The following SPACDR variants were observed in gnomAD, a reference collection of about 807,000 sequenced individuals.
SPACDR encodes sperm acrosome developmental regulator.
At chr7:100,457,113 C>T in the SPACDR span, 1 of 602,858 alleles carries the variant, frequency 1.7e-6, no homozygotes, top group East Asian at 2.9e-5. Flanking sequence ...CCAACTCATA[C>T]ATCACCTCCT....
the SPACDR span, among the ~76,000 whole-genome samples, chr7:100,461,543 G>A: frequency 1.3e-5 from 2 of 152,074 alleles, no homozygotes; most frequent in Admixed American, 6.6e-5. Context: ...CTCCCAAAGT[G>A]TTGGGATTAC....
At chr7:100,459,729 G>A in the SPACDR span, among the ~76,000 whole-genome samples, 20 of 152,246 alleles carry the variant, frequency 1.3e-4, no homozygotes, top group African/African-American at 4.8e-4. Context: ...GTTTCAAAGT[G>A]CTAGGATCAC....
At chr7:100,464,225 T>G in the SPACDR span, 1 of 1,446,898 alleles carries the variant, frequency 6.9e-7, no homozygotes, top group Non-Finnish European at 9.1e-7. Flanking sequence ...AGACCTTTTC[T>G]CCCCTCCCTG....
the SPACDR span, chr7:100,464,155 C>A: frequency 2.6e-6 from 4 of 1,524,160 alleles, no homozygotes; most frequent in Non-Finnish European, 3.5e-6. Context: ...GAGCTTCAAG[C>A]ACAGCAGTAA....
the SPACDR span, chr7:100,463,269 A>C: frequency 1.9e-6 from 2 of 1,030,330 alleles, no homozygotes; most frequent in Non-Finnish European, 2.9e-6. Context: ...TCACTGCACC[A>C]GGCCAGGAAA....
the SPACDR span, among the ~76,000 whole-genome samples, chr7:100,463,003 C>G: frequency 1.3e-5 from 2 of 150,268 alleles, no homozygotes; most frequent in Non-Finnish European, 3.0e-5. Flanking sequence ...ACTCGGGAGG[C>G]TGAGCCAGGA....
At chr7:100,463,720 G>A in the SPACDR span, 1 of 1,568,140 alleles carries the variant, frequency 6.4e-7, no homozygotes. Flanking sequence ...AGAGACAGGA[G>A]AGAGGGGCAG....
the SPACDR span, chr7:100,464,101 G>T: frequency 2.1e-5 from 32 of 1,507,534 alleles, no homozygotes; most frequent in Non-Finnish European, 2.9e-5. Context: ...GTGGGGGATG[G>T]GGTGGGCTGT....
chr7:100,457,002 A>G, the SPACDR span: 1 of 1,589,092 alleles, frequency 6.3e-7, no homozygotes, highest in Non-Finnish European at 8.6e-7. Flanking sequence ...GAGAAAGAGA[A>G]GATGTGCATG....
the SPACDR span, among the ~76,000 whole-genome samples, chr7:100,462,803 A>G: frequency 6.9e-6 from 1 of 144,002 alleles, no homozygotes; most frequent in Non-Finnish European, 1.5e-5. Context: ...ATGAGCCACC[A>G]TGCCTGGCTA....
chr7:100,463,094 A>G, the SPACDR span, among the ~76,000 whole-genome samples: 1 of 146,708 alleles, frequency 6.8e-6, no homozygotes, highest in African/African-American at 2.5e-5. Flanking sequence ...ACAGAGGGAG[A>G]CTCTGTCTCA....
chr7:100,457,841 G>GTGTGTGTGTGTATATA, the SPACDR span, among the ~76,000 whole-genome samples: 5 of 85,080 alleles, frequency 5.9e-5, no homozygotes, highest in East Asian at 1.6e-3. Flanking sequence ...GTGTGTGTGT[G>GTGTGTGTGTGTATATA]TATATATATA....
the SPACDR span, among the ~76,000 whole-genome samples, chr7:100,460,599 A>AG: frequency 3.2e-4 from 48 of 150,826 alleles, no homozygotes; most frequent in African/African-American, 5.3e-4. Flanking sequence ...TAAAAAAAAA[A>AG]AGAGAGAGAG....
chr7:100,463,664 A>AT, the SPACDR span: 4 of 1,613,646 alleles, frequency 2.5e-6, no homozygotes, highest in Non-Finnish European at 3.4e-6. Context: ...GGTTGGTTTA[A>AT]TTTTTTGCCT....
chr7:100,459,902 T>G, the SPACDR span, among the ~76,000 whole-genome samples: 1 of 151,954 alleles, frequency 6.6e-6, no homozygotes, highest in South Asian at 2.1e-4. Flanking sequence ...GATTTTTTTT[T>G]TTTTTTAGAT....
chr7:100,460,589 TAA>T, the SPACDR span, among the ~76,000 whole-genome samples: 2 of 135,160 alleles, frequency 1.5e-5, no homozygotes, highest in Non-Finnish European at 1.6e-5. Context: ...GACTCCATCA[TAA>T]AAAAAAAAAG....
the SPACDR span, among the ~76,000 whole-genome samples, chr7:100,457,809 G>GTGTGTGTGTGTT: frequency 1.1e-5 from 1 of 93,598 alleles, no homozygotes; most frequent in East Asian, 3.6e-4. Context: ...ATATATGTGT[G>GTGTGTGTGTGTT]TGTGTGTGTG....
chr7:100,457,883 G>T, the SPACDR span, among the ~76,000 whole-genome samples: 1 of 122,672 alleles, frequency 8.2e-6, no homozygotes, highest in South Asian at 2.6e-4. Context: ...GTAGAAATGG[G>T]GTTTTGCCCA....
At chr7:100,457,841 GTATATA>G in the SPACDR span, among the ~76,000 whole-genome samples, 53 of 85,066 alleles carry the variant, frequency 6.2e-4, no homozygotes, top group African/African-American at 2.5e-3. Flanking sequence ...GTGTGTGTGT[GTATATA>G]TATATATATA....
Sources: gnomAD v4.1 joint callset for allele counts (sites outside exome capture counted in the v4.1 genomes callset) on GRCh38, gnomAD v4.1.1 for gene constraint, MANE v1.5 for transcripts, NCBI Gene and HGNC (gene_info 2026-07-23, HGNC 2026-07-21) for gene names.